Variants in CBL observed in about 807,000 individuals in gnomAD.
The protein encoded by CBL is E3 ubiquitin-protein ligase CBL.
Under a neutral mutation model 96.9 loss-of-function variants are expected in CBL, and 45 were observed. That is an observed-to-expected ratio of 0.46 (90% CI 0.37 to 0.60). The LOEUF is 0.60. Among genes scored for constraint, CBL ranks in the 20% least tolerant of loss-of-function variants. CBL has a pLI of 0.00. For missense variants in CBL, 1,024 were observed against 1,143.5 expected (o/e 0.90, Z 1.51); for synonymous variants, 420 against 426.8 (o/e 0.98, Z 0.20).
rs554491881 is a variant in CBL, at chr11:119,227,830, G to A, written c.196-4618G>A. On this transcript the variant is annotated intron_variant, in intron 1 of 15. Transcript: ENST00000264033. ...CTCCCAAAGTGCTGGGATTACAGGC[G>A]TGAGCCACCGCGCCCCGCAAACCTT... Among the ~76,000 whole-genome samples, 7 of 152,252 alleles carry A rather than the reference G, an allele frequency of 4.6e-5. No homozygotes were observed. In the East Asian group the frequency reaches 1.2e-3, roughly 25 times the overall value.
intron 2 of CBL, among the ~76,000 whole-genome samples, chr11:119,264,423 CTTCTCTTCTCTTCTCTTCT>C (rs749380159): frequency 0.045 from 5,632 of 126,412 alleles, 136 homozygotes; most frequent in East Asian, 0.096. Flanking sequence ...CTTCTCTTCT[CTTCTCTTCTCTTCTCTTCT>C]TTCTCTTCTC....
Position 119,302,211 on chromosome 11 carries a change from C to T in CBL, c.*2430C>T. On this transcript the variant is annotated 3_prime_UTR_variant, in exon 16 of 16. Transcript: ENST00000264033. Reference sequence around the variant, plus strand: ...TTTGTCACAGGTATCTGCCAGCATTCAAGGTTTTGGATCATTTCATGAGGA... The same window carrying T: ...TTTGTCACAGGTATCTGCCAGCATTTAAGGTTTTGGATCATTTCATGAGGA... 1 of 232,892 alleles carries T rather than the reference C, an allele frequency of 4.3e-6. No individual in the cohort carries two copies. The highest frequency in any genetic ancestry group is 8.5e-6 in the Non-Finnish European group (1 of 117,830). The allele number at this position is 232,892 out of a possible 1,614,324, so 14.4% of individuals were successfully genotyped here. A position where few individuals can be genotyped will look rare whatever the true frequency, so the allele number is the denominator to read the frequency against.
At chr11:119,228,494 T>G (rs1053425033) in intron 1 of CBL, among the ~76,000 whole-genome samples, 1 of 151,792 alleles carries the variant, frequency 6.6e-6, no homozygotes, top group Non-Finnish European at 1.5e-5. Flanking sequence ...TAATCCCAGC[T>G]ACTTGGGAGG....
At chr11:119,273,095 AGTAG>A (rs1189487384) in intron 3 of CBL, among the ~76,000 whole-genome samples, 1 of 152,054 alleles carries the variant, frequency 6.6e-6, no homozygotes, top group Non-Finnish European at 1.5e-5. Flanking sequence ...AGTTCTCCCA[AGTAG>A]CTGGGACTAC....
intron 15 of CBL, 82 bp from the exon 16 acceptor site, chr11:119,299,413 T>A: frequency 7.7e-7 from 1 of 1,297,112 alleles, no homozygotes; most frequent in Non-Finnish European, 1.1e-6. Context: ...CAGTAATATC[T>A]TGATATTAGC....
intron 2 of CBL, among the ~76,000 whole-genome samples, chr11:119,245,296 C>T (rs1949618419): frequency 6.6e-6 from 1 of 151,684 alleles, no homozygotes. Flanking sequence ...TTTTTGAGGA[C>T]CTCAAAGAGC....
intron 1 of CBL, among the ~76,000 whole-genome samples, chr11:119,229,853 G>A (rs973850515): frequency 2.0e-5 from 3 of 150,406 alleles, no homozygotes; most frequent in Non-Finnish European, 3.0e-5. Flanking sequence ...TCAGCCTCCC[G>A]AGTAGCTGGA....
chr11:119,273,488 G>GATCTCA (rs2135298400), intron 3 of CBL, among the ~76,000 whole-genome samples: 1 of 152,224 alleles, frequency 6.6e-6, no homozygotes, highest in East Asian at 1.9e-4. Flanking sequence ...GCAGTGGCAC[G>GATCTCA]ATCTCACTTG....
chr11:119,232,532 C>T lies in CBL; in HGVS notation c.280C>T (p.His94Tyr), dbSNP rs1301481068. 1 of 1,613,776 alleles carries T rather than the reference C, an allele frequency of 6.2e-7. No homozygotes were observed. Among genetic ancestry groups the T allele is most frequent in the Non-Finnish European group, 8.5e-7 (1 of 1,179,662 alleles). The change falls in exon 2 of 16, where the codon CAT becomes TAT. Residue 94 changes from histidine to tyrosine, a missense_variant. Physicochemically the swap from His to Tyr is moderately conservative, Grantham distance 83. Coordinates refer to ENST00000264033, the MANE Select transcript of CBL (RefSeq NM_005188.4). ...ILDLLPDTYQ[H>Y]LRTILSRYEG... ...AGACCTGCTACCAGATACCTACCAGCATCTCCGTACTATCTTGTCAAGATA... is the reference window on the plus strand; with the variant it reads ...AGACCTGCTACCAGATACCTACCAGTATCTCCGTACTATCTTGTCAAGATA...
Position 119,299,999 on chromosome 11 carries a change from G to A in CBL, c.*218G>A. 1.6e-6 allele frequency: 1 copy of A among 618,550 alleles called. No individual in the cohort carries two copies. The highest frequency in any genetic ancestry group is 2.9e-6 in the Non-Finnish European group (1 of 348,108). 38.3% of individuals were successfully genotyped at this position (618,550 alleles called of 1,614,324 possible). ...TTTATGGGTCTTGAGTGCATTTGAAGGTGTCCTTCAGTTCCCACGTAGAGA... is the reference window on the plus strand; with the variant it reads ...TTTATGGGTCTTGAGTGCATTTGAAAGTGTCCTTCAGTTCCCACGTAGAGA... On this transcript the variant is annotated 3_prime_UTR_variant, in exon 16 of 16. Transcript: ENST00000264033.
At chr11:119,249,746 C>T (rs1443399036) in intron 2 of CBL, among the ~76,000 whole-genome samples, 4 of 151,500 alleles carry the variant, frequency 2.6e-5, no homozygotes, top group African/African-American at 7.3e-5. Context: ...TCTCAGCCTC[C>T]TGGGCTCAAG....
Position 119,296,973 on chromosome 11 carries a change from A to G in CBL, c.2092A>G (p.Thr698Ala). Residue 698 changes from threonine to alanine, a missense_variant, in exon 13 of 16, where the codon ACA (threonine) becomes GCA (alanine). Coordinates refer to ENST00000264033, the MANE Select transcript of CBL (RefSeq NM_005188.4). ...GGAGCAATGTGAGGGTGAAGAGGAC[A>G]CAGAGTACATGACTCCCTCTTCCAG... ...PGEQCEGEED[T>A]EYMTPSSRPL... 1.2e-6 allele frequency: 2 copies of G among 1,612,784 alleles called. No individual in the cohort carries two copies. The highest frequency in any genetic ancestry group is 1.7e-6 in the Non-Finnish European group (2 of 1,178,746).
chr11:119,295,145 T>C (rs1413149426), intron 12 of CBL, among the ~76,000 whole-genome samples: 1 of 152,202 alleles, frequency 6.6e-6, no homozygotes, highest in Non-Finnish European at 1.5e-5. Context: ...GGGACACAGT[T>C]GTGTGGTTCA....
chr11:119,277,350 C>A (rs915072971), intron 6 of CBL, among the ~76,000 whole-genome samples: 10 of 151,726 alleles, frequency 6.6e-5, no homozygotes, highest in African/African-American at 2.4e-4. Flanking sequence ...CCTGTTTGTT[C>A]CCCCGGGGAG....
Position 119,221,281 on chromosome 11 carries a change from C to T in CBL, c.196-11167C>T, listed in dbSNP as rs567925110. 5.3e-5 allele frequency among the ~76,000 whole-genome samples: 8 copies of T among 150,896 alleles called. 1 individual carries two copies. The South Asian group carries it at 8.4e-4, about 16-fold the overall frequency. ...AAAGTATAGGTTTCCGGCTGGGCAC[C>T]GTGGCACATCCTGTAATGCCAGCAC... On this transcript the variant is annotated intron_variant, in intron 1 of 15. Coordinates refer to ENST00000264033, the MANE Select transcript of CBL (RefSeq NM_005188.4).
intron 3 of CBL, among the ~76,000 whole-genome samples, chr11:119,272,589 C>A (rs1270292890): frequency 3.3e-5 from 5 of 152,130 alleles, no homozygotes; most frequent in Non-Finnish European, 5.9e-5. Flanking sequence ...TGTCCAATTT[C>A]TTTCCAAAAT....
chr11:119,213,075 A>G (rs1949331052), intron 1 of CBL, among the ~76,000 whole-genome samples: 1 of 151,730 alleles, frequency 6.6e-6, no homozygotes, highest in Non-Finnish European at 1.5e-5. Context: ...TCAGCCTTCC[A>G]CAGTGTTGGG....
chr11:119,286,794 C>T (rs1000444837), intron 11 of CBL, among the ~76,000 whole-genome samples: 13 of 152,152 alleles, frequency 8.5e-5, no homozygotes, highest in African/African-American at 3.1e-4. Flanking sequence ...ATGTTTTGTT[C>T]ATTTATGCAC....
At chr11:119,257,548 C>T (rs1949721013) in intron 2 of CBL, among the ~76,000 whole-genome samples, 1 of 152,096 alleles carries the variant, frequency 6.6e-6, no homozygotes, top group Admixed American at 6.5e-5. Context: ...TGTATTTTCT[C>T]CCATTCTGTG....
Sources: gnomAD v4.1 joint callset for allele counts (sites outside exome capture counted in the v4.1 genomes callset) on GRCh38, gnomAD v4.1.1 for gene constraint, MANE v1.5 for transcripts, NCBI Gene and HGNC (gene_info 2026-07-23, HGNC 2026-07-21) for gene names.